MCTP1: variants seen among roughly 807,000 people sequenced by gnomAD.
MCTP1 encodes the protein multiple C2 and transmembrane domain-containing protein 1.
A neutral mutation model predicts 120.6 loss-of-function variants in MCTP1; 69 were observed. That is an observed-to-expected ratio of 0.57 (90% CI 0.47 to 0.70). The LOEUF is 0.70. MCTP1 is among the 30% of genes least tolerant of loss of function. The pLI is 0.00. For synonymous variants in MCTP1, 529 were observed against 493.1 expected (o/e 1.07, Z -0.96); for missense variants, 1,203 against 1,248.8 (o/e 0.96, Z 0.55).
At chr5:95,023,175 A>G (rs1025535709) in intron 1 of MCTP1, among the ~76,000 whole-genome samples, 1 of 152,208 alleles carries the variant, frequency 6.6e-6, no homozygotes, top group African/African-American at 2.4e-5. Context: ...GACAGAAACA[A>G]TAGAACCAGG....
At chr5:94,784,339 G>C (rs988400089) in intron 18 of MCTP1, among the ~76,000 whole-genome samples, 2 of 152,050 alleles carry the variant, frequency 1.3e-5, no homozygotes, top group Non-Finnish European at 1.5e-5. Context: ...GTGTAAGTAT[G>C]ATATGAAATG....
chr5:95,193,451 C>G (rs906695422), intron 1 of MCTP1, among the ~76,000 whole-genome samples: 1 of 152,118 alleles, frequency 6.6e-6, no homozygotes, highest in African/African-American at 2.4e-5. Flanking sequence ...TTAAAAAGTA[C>G]AGGATGAGGT....
chr5:95,156,129 T>A (rs957308421), intron 1 of MCTP1, among the ~76,000 whole-genome samples: 1 of 152,192 alleles, frequency 6.6e-6, no homozygotes, highest in African/African-American at 2.4e-5. Context: ...GACTCTGAAC[T>A]CCAGATGAGA....
chr5:94,867,478 T>C (rs915033309), intron 17 of MCTP1: 1 of 770,474 alleles, frequency 1.3e-6, no homozygotes, highest in Non-Finnish European at 2.2e-6. Context: ...TAATTAAGGC[T>C]CTTCTTGTAA....
intron 1 of MCTP1, among the ~76,000 whole-genome samples, chr5:95,191,988 T>G (rs886809764): frequency 6.6e-5 from 10 of 152,034 alleles, no homozygotes; most frequent in African/African-American, 9.7e-5. Context: ...CTAGTCATTA[T>G]GCAATTTGTC....
chr5:94,758,971 T>A (rs544802425), intron 19 of MCTP1, among the ~76,000 whole-genome samples: 46 of 152,350 alleles, frequency 3.0e-4, no homozygotes, highest in Non-Finnish European at 4.9e-4. Flanking sequence ...TGCTATGAAA[T>A]TCATGCTGAG....
chr5:94,903,009 T>C (rs531278750), intron 10 of MCTP1, among the ~76,000 whole-genome samples: 1 of 152,292 alleles, frequency 6.6e-6, no homozygotes. Flanking sequence ...CAGTAACTCA[T>C]GAAAGAAAAG....
chr5:95,202,659 G>A (rs1751194888), intron 1 of MCTP1, among the ~76,000 whole-genome samples: 1 of 152,062 alleles, frequency 6.6e-6, no homozygotes, highest in South Asian at 2.1e-4. Context: ...CCTAAGTTTT[G>A]TCTTTTTCAT....
At chr5:95,100,608 A>G (rs1239825236) in intron 1 of MCTP1, among the ~76,000 whole-genome samples, 1 of 152,240 alleles carries the variant, frequency 6.6e-6, no homozygotes, top group Non-Finnish European at 1.5e-5. Context: ...AAAAATCCCA[A>G]AACTCAAGAA....
intron 1 of MCTP1, among the ~76,000 whole-genome samples, chr5:95,210,123 G>A (rs2152565810): frequency 6.6e-6 from 1 of 152,256 alleles, no homozygotes; most frequent in South Asian, 2.1e-4. Flanking sequence ...AATAGGTGTG[G>A]TGTGGTGCTG....
At chr5:94,982,291 G>A (rs1829571967) in intron 2 of MCTP1, among the ~76,000 whole-genome samples, 1 of 152,072 alleles carries the variant, frequency 6.6e-6, no homozygotes, top group African/African-American at 2.4e-5. Flanking sequence ...TCCTGTCAAT[G>A]TCAATGTTAT....
Position 95,285,044 on chromosome 5 carries a change from C to T in MCTP1, c.-469G>A, listed in dbSNP as rs930340454. ...GGGCAGCACCTGTCAGCGGCGGGGG[C>T]GGCTGCCTCCAAATTGGGCGCGCAC... On this transcript the variant is annotated 5_prime_UTR_variant, in exon 1 of 23. Coordinates refer to ENST00000515393, the MANE Select transcript of MCTP1 (RefSeq NM_024717.7). Among the ~76,000 whole-genome samples the T allele has an allele frequency of 8.6e-5, 13 of 152,030 alleles. No homozygotes were observed. The highest frequency in any genetic ancestry group is 1.6e-4 in the Non-Finnish European group (11 of 67,922).
intron 6 of MCTP1, among the ~76,000 whole-genome samples, chr5:94,924,995 T>C (rs1269849077): frequency 6.6e-6 from 1 of 152,184 alleles, no homozygotes; most frequent in African/African-American, 2.4e-5. Flanking sequence ...TGCATTGAAG[T>C]CCCCAGGCTG....
At chr5:94,937,603 C>T (rs1816503569) in intron 5 of MCTP1, among the ~76,000 whole-genome samples, 1 of 151,882 alleles carries the variant, frequency 6.6e-6, no homozygotes, top group Non-Finnish European at 1.5e-5. Context: ...GTTTGAGCAA[C>T]CATGGAGACT....
intron 1 of MCTP1, among the ~76,000 whole-genome samples, chr5:95,072,967 G>A (rs1000356822): frequency 6.6e-6 from 1 of 151,910 alleles, no homozygotes; most frequent in African/African-American, 2.4e-5. Context: ...GGATGGTCTC[G>A]ATCTCCTGAC....
At chr5:95,003,821 G>A (rs1834171426) in intron 2 of MCTP1, among the ~76,000 whole-genome samples, 1 of 152,072 alleles carries the variant, frequency 6.6e-6, no homozygotes, top group Non-Finnish European at 1.5e-5. Flanking sequence ...GTGTGACAGT[G>A]GACTAATCCA....
intron 1 of MCTP1, among the ~76,000 whole-genome samples, chr5:95,165,588 C>T (rs575170095): frequency 1.3e-5 from 2 of 152,284 alleles, no homozygotes; most frequent in Admixed American, 1.3e-4. Flanking sequence ...CTGAGGACTC[C>T]TCAGAGGATA....
intron 19 of MCTP1, among the ~76,000 whole-genome samples, chr5:94,762,598 C>T (rs1407346192): frequency 6.6e-6 from 1 of 152,196 alleles, no homozygotes; most frequent in East Asian, 1.9e-4. Flanking sequence ...TCTGTCTATT[C>T]TGAGCAGAAT....
chr5:95,258,102 T>C (rs962674537), intron 1 of MCTP1, among the ~76,000 whole-genome samples: 2 of 152,184 alleles, frequency 1.3e-5, no homozygotes, highest in African/African-American at 4.8e-5. Context: ...AAGGATAAGC[T>C]GTGCACAGTG....
Sources: gnomAD v4.1 joint callset for allele counts (sites outside exome capture counted in the v4.1 genomes callset) on GRCh38, gnomAD v4.1.1 for gene constraint, MANE v1.5 for transcripts, NCBI Gene and HGNC (gene_info 2026-07-23, HGNC 2026-07-21) for gene names.